EGFR: variants seen among roughly 807,000 people sequenced by gnomAD.
The protein encoded by EGFR is avian erythroblastic leukemia viral (v-erb-b) oncogene homolog.
A neutral mutation model predicts 143.0 loss-of-function variants in EGFR; 58 were observed. That is an observed-to-expected ratio of 0.41 (90% CI 0.33 to 0.50). The LOEUF is 0.50. Ranked by LOEUF, EGFR falls within the 20% of genes least tolerant of loss-of-function variation. The probability of loss-of-function intolerance (pLI) is 0.39; values close to 1 mark genes in which losing one functional copy is unlikely to be tolerated. For missense variants in EGFR, 1,307 were observed against 1,579.0 expected, an observed-to-expected ratio of 0.83 and a Z score of 2.92; for synonymous variants, 613 against 594.4, an observed-to-expected ratio of 1.03 and a Z score of -0.45.
chr7:55,068,612 T>A (rs1305419362), intron 1 of EGFR, among the ~76,000 whole-genome samples: 2 of 152,226 alleles, frequency 1.3e-5, no homozygotes, highest in Non-Finnish European at 2.9e-5. Context: ...CTGTTCTGTA[T>A]CTTCTCTGCA....
At chr7:55,143,249 T>A (rs2128927029) in intron 2 of EGFR, 56 bp from the exon 3 acceptor site, 1 of 1,607,410 alleles carries the variant, frequency 6.2e-7, no homozygotes, top group Non-Finnish European at 8.5e-7. Context: ...ATTTTAGACC[T>A]TGAGTTCTTG....
At chr7:55,027,989 AAAATATATATATATATAT>A (rs1372844650) in intron 1 of EGFR, among the ~76,000 whole-genome samples, 4 of 74,050 alleles carry the variant, frequency 5.4e-5, no homozygotes, top group Non-Finnish European at 7.5e-5. Context: ...AAAAAAAAAA[AAAATATATATATATATAT>A]ATATATATAT....
chr7:55,097,731 T>C (rs1791562866), intron 1 of EGFR, among the ~76,000 whole-genome samples: 1 of 152,176 alleles, frequency 6.6e-6, no homozygotes, highest in Non-Finnish European at 1.5e-5. Context: ...GCAAGACAGA[T>C]TGCCATGGAG....
chr7:55,112,215 A>G (rs1792545295), intron 1 of EGFR, among the ~76,000 whole-genome samples: 2 of 152,206 alleles, frequency 1.3e-5, no homozygotes, highest in Admixed American at 1.3e-4. Context: ...ATTGTGACTC[A>G]CTTTGATAGC....
rs778495706 is a variant in EGFR, at chr7:55,166,352, T to C, written c.1880+915T>C. On this transcript the variant is annotated intron_variant, in intron 15 of 27. Transcript: ENST00000275493. ...AATCCTCAGCTTTGTTTGGAACTGTTACTCATTCTTTCTCTGAATCCATCT... is the reference window on the plus strand; with the variant it reads ...AATCCTCAGCTTTGTTTGGAACTGTCACTCATTCTTTCTCTGAATCCATCT... 5.3e-6 allele frequency: 3 copies of C among 563,316 alleles called. No individual in the cohort carries two copies. In the East Asian group the frequency reaches 1.0e-4, roughly 20 times the overall value. The allele number at this position is 563,316 out of a possible 1,614,324, so 34.9% of individuals were successfully genotyped here.
At position 55,170,483 on chromosome 7, in the gene EGFR, G is replaced by A. The variant is rs111275056; in HGVS notation, c.1881-692G>A. ...GAGTTTCAGCTGGGTTGGGGTGGATGCAGCCACCTCCATGCCTGGCCTTCT... is the reference window on the plus strand; with the variant it reads ...GAGTTTCAGCTGGGTTGGGGTGGATACAGCCACCTCCATGCCTGGCCTTCT... On this transcript the variant is annotated intron_variant, in intron 15 of 27. Transcript: ENST00000275493. 117 of 1,614,022 alleles carry A rather than the reference G, an allele frequency of 7.2e-5. No homozygotes were observed. The African/African-American group carries it at 1.4e-3, about 19-fold the overall frequency.
rs1361188418 is a variant in EGFR, at chr7:55,185,171, G to A, written c.2469+3693G>A. ...AAAGGAAAAAGGAAAAAAAACAGAG[G>A]TGTCTTGGGAGGAATCCATATGAGA... On this transcript the variant is annotated intron_variant, in intron 20 of 27. Transcript: ENST00000275493. Among the ~76,000 whole-genome samples the A allele has an allele frequency of 2.6e-5, 4 of 152,266 alleles. No individual in the cohort carries two copies. In the South Asian group the frequency reaches 6.2e-4, roughly 24 times the overall value.
At chr7:55,196,601 A>G (rs1787629129) in intron 22 of EGFR, among the ~76,000 whole-genome samples, 1 of 152,102 alleles carries the variant, frequency 6.6e-6, no homozygotes, top group Admixed American at 6.5e-5. Context: ...GCCCATTCCT[A>G]TATCCAGAAT....
At position 55,156,529 on chromosome 7, in the gene EGFR, G is replaced by T. The variant is rs2128938131; in HGVS notation, c.1007-4G>T. 1 of 1,614,174 alleles carries T rather than the reference G, an allele frequency of 6.2e-7. No individual in the cohort carries two copies. The highest frequency in any genetic ancestry group is 8.5e-7 in the Non-Finnish European group (1 of 1,180,046). On this transcript the variant is annotated splice_region_variant and splice_polypyrimidine_tract_variant and intron_variant, in intron 8 of 27. Transcript: ENST00000275493. ...CGGAATACACGTCTCTCTTATCTCT[G>T]CAGTGTGTAACGGAATAGGTATTGG... is the stretch of plus-strand genomic sequence containing the variant.
chr7:55,157,229 G>A (rs1459529161), intron 10 of EGFR, among the ~76,000 whole-genome samples: 1 of 152,226 alleles, frequency 6.6e-6, no homozygotes, highest in Non-Finnish European at 1.5e-5. Flanking sequence ...CCTGAGCTCC[G>A]CTTCCTTCCT....
intron 20 of EGFR, among the ~76,000 whole-genome samples, chr7:55,190,056 G>C (rs62456500): frequency 0.031 from 4,699 of 152,292 alleles, 102 homozygotes; most frequent in Middle Eastern, 0.1. Flanking sequence ...CTCTGAAGGA[G>C]ACCCAGGCTG....
chr7:55,187,317 C>T (rs1214475212), intron 20 of EGFR, among the ~76,000 whole-genome samples: 2 of 152,236 alleles, frequency 1.3e-5, no homozygotes, highest in African/African-American at 4.8e-5. Context: ...TCTACATAAA[C>T]TCATTCCACC....
intron 15 of EGFR, chr7:55,170,680 G>A (rs1024399747): frequency 3.1e-5 from 49 of 1,585,696 alleles, no homozygotes; most frequent in Middle Eastern, 2.3e-4. Context: ...ACCCCAACTA[G>A]TAGCTAACCA....
intron 23 of EGFR, among the ~76,000 whole-genome samples, chr7:55,200,069 A>G (rs1787779691): frequency 6.6e-6 from 1 of 152,194 alleles, no homozygotes; most frequent in African/African-American, 2.4e-5. Flanking sequence ...TGACCCCAGG[A>G]AGAGTGGGCG....
intron 27 of EGFR, among the ~76,000 whole-genome samples, chr7:55,203,343 A>G (rs1787944965): frequency 1.4e-5 from 2 of 147,414 alleles, no homozygotes; most frequent in Admixed American, 1.4e-4. Flanking sequence ...GTATACACAC[A>G]TATATACACA....
intron 1 of EGFR, among the ~76,000 whole-genome samples, chr7:55,064,582 A>G (rs977427182): frequency 6.6e-6 from 1 of 152,114 alleles, no homozygotes; most frequent in Non-Finnish European, 1.5e-5. Flanking sequence ...TGGTTCTTCA[A>G]ACTCTCAGTC....
At chr7:55,041,605 T>C (rs1010909536) in intron 1 of EGFR, among the ~76,000 whole-genome samples, 2 of 152,214 alleles carry the variant, frequency 1.3e-5, no homozygotes, top group Admixed American at 1.3e-4. Context: ...CTTTATTTGC[T>C]AACGAGCATC....
At chr7:55,135,422 T>C (rs961352560) in intron 1 of EGFR, among the ~76,000 whole-genome samples, 1 of 152,108 alleles carries the variant, frequency 6.6e-6, no homozygotes, top group African/African-American at 2.4e-5. Flanking sequence ...ATGTGTATTT[T>C]CAAGTTCCAA....
chr7:55,022,608 A>AG (rs535919248), intron 1 of EGFR, among the ~76,000 whole-genome samples: 9 of 152,086 alleles, frequency 5.9e-5, no homozygotes, highest in African/African-American at 1.7e-4. Flanking sequence ...TAAAGGTTGA[A>AG]GGGGGGGTGA....
Sources: allele counts gnomAD v4.1 joint callset (sites outside exome capture counted in the v4.1 genomes callset), GRCh38; gene constraint gnomAD v4.1.1; transcripts MANE v1.5; gene names NCBI Gene and HGNC (gene_info 2026-07-23, HGNC 2026-07-21).